GATA6: variants seen among roughly 807,000 people sequenced by gnomAD.
GATA6 encodes GATA binding protein 6, also known as transcription factor GATA-6.
In GATA6, 11 loss-of-function variants were observed where a neutral mutation model predicts 48.1. That is an observed-to-expected ratio of 0.23 (90% CI 0.14 to 0.38). The LOEUF is 0.38. Ranked by LOEUF, GATA6 falls within the 10% of genes least tolerant of loss-of-function variation. The pLI, the probability that GATA6 is intolerant of heterozygous loss-of-function variation, is 1.00. For synonymous variants in GATA6, 419 were observed against 396.1 expected (o/e 1.06, Z -0.69); for missense variants, 795 against 850.3 (o/e 0.93, Z 0.81).
Position 22,172,080 on chromosome 18 carries a change from G to T in GATA6, c.936G>T (p.Ser312=), listed in dbSNP as rs1362104173. The part of the protein sequence containing the change: ...AMGGREPQYS[S]LSAARPLNGT... ...GCGGCCGCGAGCCCCAGTACAGCTC[G>T]CTGTCGGCCGCGCGGCCGCTGAACG... Residue 312 remains serine, a synonymous_variant, in exon 2 of 7, where the codon TCG becomes TCT. Transcript: ENST00000269216. This position sits in a 1 kb window ranked among gnomAD's most constrained non-coding sequence, Gnocchi z 5.2. 3.4e-6 allele frequency: 5 copies of T among 1,459,808 alleles called. No individual in the cohort carries two copies. The highest frequency in any genetic ancestry group is 2.6e-5 in the East Asian group (1 of 38,096). The allele number at this position is 1,459,808 out of a possible 1,614,324, so 90.4% of individuals were successfully genotyped here. A position where few individuals can be genotyped will look rare whatever the true frequency, so the allele number is the denominator to read the frequency against.
In GATA6 at chr18:22,171,293, G is replaced by A; in HGVS notation, c.149G>A (p.Gly50Glu). 6.3e-7 allele frequency: 1 copy of A among 1,593,468 alleles called. No homozygotes were observed. Among genetic ancestry groups the A allele is most frequent in the Non-Finnish European group, 8.5e-7 (1 of 1,176,074 alleles). Residue 50 changes from glycine to glutamate, a missense_variant, in exon 2 of 7, where the codon GGA (glycine) becomes GAA (glutamate). Physicochemically the swap from Gly to Glu is moderately conservative, Grantham distance 98. Transcript: ENST00000269216. This position sits in a 1 kb window ranked among gnomAD's most constrained non-coding sequence, Gnocchi z 7.1. The stretch of plus-strand genomic sequence containing the variant: ...TCGTCCTCCTCCTGCTCCCGGGGCG[G>A]AGAGCGGGGCCCCGGCGGCGCCAGC... The part of the protein sequence containing the change: ...SSSSSSCSRG[G>E]ERGPGGASNC...
chr18:22,196,377 G>A (rs2033389349), intron 6 of GATA6, among the ~76,000 whole-genome samples: 1 of 152,106 alleles, frequency 6.6e-6, no homozygotes, highest in Admixed American at 6.5e-5. Context: ...AATTGCTTTT[G>A]GGATTGTTAT....
chr18:22,174,519 A>AT (rs369682521), intron 2 of GATA6, among the ~76,000 whole-genome samples: 8 of 146,450 alleles, frequency 5.5e-5, no homozygotes, highest in East Asian at 3.9e-4. Context: ...AAGATTTGTT[A>AT]TTTTTTTAAG....
intron 3 of GATA6, 85 bp downstream of exon 3, chr18:22,177,206 T>C: frequency 7.6e-7 from 1 of 1,310,116 alleles, no homozygotes; most frequent in South Asian, 1.5e-5. Context: ...TCGGCCTGCC[T>C]TGGGCGTCCC....
chr18:22,189,253 A>C (rs755151307), intron 6 of GATA6, among the ~76,000 whole-genome samples: 23 of 152,194 alleles, frequency 1.5e-4, no homozygotes, highest in African/African-American at 3.9e-4. Flanking sequence ...CTAGAGACTG[A>C]CTCAAGTTAA....
chr18:22,183,065 A>T (rs1240399842), intron 6 of GATA6, 22 bp downstream of exon 6: 1 of 1,549,598 alleles, frequency 6.5e-7, no homozygotes, highest in South Asian at 1.1e-5. Flanking sequence ...AACAGCATAG[A>T]CTCCTAAATT....
At chr18:22,192,576 G>C (rs2033340690) in intron 6 of GATA6, among the ~76,000 whole-genome samples, 1 of 152,064 alleles carries the variant, frequency 6.6e-6, no homozygotes, top group Non-Finnish European at 1.5e-5. Context: ...AATGCTTCTT[G>C]GTATGTTTTC....
chr18:22,174,727 G>T (rs2033099433), intron 2 of GATA6, among the ~76,000 whole-genome samples: 1 of 147,822 alleles, frequency 6.8e-6, no homozygotes, highest in African/African-American at 2.6e-5. Flanking sequence ...CTGTTTCTTA[G>T]ATTTTTTTTT....
intron 6 of GATA6, among the ~76,000 whole-genome samples, chr18:22,194,588 C>G (rs1225918285): frequency 1.3e-5 from 2 of 152,254 alleles, no homozygotes; most frequent in Non-Finnish European, 2.9e-5. Flanking sequence ...AACTAAAGTC[C>G]TTTGAAGGGT....
At chr18:22,169,985 AT>A (rs1339918506) in intron 1 of GATA6, among the ~76,000 whole-genome samples, 1 of 152,192 alleles carries the variant, frequency 6.6e-6, no homozygotes, top group Non-Finnish European at 1.5e-5. Flanking sequence ...CTTTCTTGCT[AT>A]CTAGCCAGGT....
intron 6 of GATA6, among the ~76,000 whole-genome samples, chr18:22,195,163 C>T (rs1282164162): frequency 2.6e-5 from 4 of 152,158 alleles, no homozygotes; most frequent in African/African-American, 7.2e-5. Flanking sequence ...GAGAGAATAT[C>T]GGTTTTGAGA....
intron 3 of GATA6, chr18:22,180,021 CTCT>C (rs1379810828): frequency 3.9e-5 from 6 of 152,158 alleles, no homozygotes; most frequent in African/African-American, 1.4e-4. Context: ...TTACATTTCT[CTCT>C]TCTTCATTCT....
chr18:22,172,344 G>A lies in GATA6; in HGVS notation c.1135+65G>A. On this transcript the variant is annotated intron_variant, in intron 2 of 6. Coordinates refer to ENST00000269216, the MANE Select transcript of GATA6 (RefSeq NM_005257.6). The surrounding 1 kb of genome is among the most constrained non-coding windows in gnomAD (Gnocchi z 5.2). Reference sequence around the variant, plus strand: ...CGCTGGGGCGCACGGGGGACGTGGAGCAGCTGCTCCACTCGGGCCCTGTTT... The same window carrying A: ...CGCTGGGGCGCACGGGGGACGTGGAACAGCTGCTCCACTCGGGCCCTGTTT... 1 of 1,505,946 alleles carries A rather than the reference G, an allele frequency of 6.6e-7. No individual in the cohort carries two copies. Among genetic ancestry groups the A allele is most frequent in the Non-Finnish European group, 8.9e-7 (1 of 1,127,824 alleles). 93.3% of individuals were successfully genotyped at this position (1,505,946 alleles called of 1,614,324 possible).
chr18:22,183,258 A>T (rs888262585), intron 6 of GATA6, among the ~76,000 whole-genome samples: 6 of 152,182 alleles, frequency 3.9e-5, no homozygotes, highest in African/African-American at 1.4e-4. Flanking sequence ...GATCGGTATC[A>T]TTTTTTTATG....
At chr18:22,181,320 TCAAGGAC>T in intron 3 of GATA6, 126 bp from the exon 4 acceptor site, 1 of 1,152,666 alleles carries the variant, frequency 8.7e-7, no homozygotes, top group Admixed American at 2.0e-5. Flanking sequence ...ATTTTTTTTC[TCAAGGAC>T]CATTTCATTT....
In GATA6 at chr18:22,172,322, TG is replaced by T. The variant is rs1204177849; in HGVS notation, c.1135+47del. 3 of 1,517,248 alleles carry T rather than the reference TG, an allele frequency of 2.0e-6. No individual in the cohort carries two copies. In the African/African-American group the frequency reaches 4.1e-5, roughly 21 times the overall value. The allele number at this position is 1,517,248 out of a possible 1,614,324, so 94.0% of individuals were successfully genotyped here. On this transcript the variant is annotated intron_variant, in intron 2 of 6. Coordinates refer to ENST00000269216, the MANE Select transcript of GATA6 (RefSeq NM_005257.6). The surrounding 1 kb of genome is among the most constrained non-coding windows in gnomAD (Gnocchi z 5.2). ...GGTTCGGGGTGCGGGTCCAAAGCGC[TG>T]GGGCGCACGGGGGACGTGGAGCAGC...
Position 22,170,183 on chromosome 18 carries a change from C to G in GATA6, c.-38+501C>G, listed in dbSNP as rs570291679. Among the ~76,000 whole-genome samples the G allele has an allele frequency of 1.3e-5, 2 of 152,306 alleles. No homozygotes were observed. Among genetic ancestry groups the G allele is most frequent in the African/African-American group, 4.8e-5 (2 of 41,582 alleles). On this transcript the variant is annotated intron_variant, in intron 1 of 6. Transcript: ENST00000269216. The surrounding 1 kb of genome is among the most constrained non-coding windows in gnomAD (Gnocchi z 6.7). ...GCTCTGGGGCGGTCTCACGCTCCCCCCTCCCCAGCCCGTTGCGTTCCCCCT... is the reference window on the plus strand; with the variant it reads ...GCTCTGGGGCGGTCTCACGCTCCCCGCTCCCCAGCCCGTTGCGTTCCCCCT...
In GATA6 at chr18:22,171,609, C is replaced by T. The variant is rs1292638565; in HGVS notation, c.465C>T (p.Ser155=). 2.5e-6 allele frequency: 4 copies of T among 1,600,322 alleles called. No individual in the cohort carries two copies. The African/African-American group carries it at 4.0e-5, about 16-fold the overall frequency. Residue 155 remains serine, a synonymous_variant, in exon 2 of 7, where the codon TCC becomes TCT. Coordinates refer to ENST00000269216, the MANE Select transcript of GATA6 (RefSeq NM_005257.6). This position sits in a 1 kb window ranked among gnomAD's most constrained non-coding sequence, Gnocchi z 7.1. ...TGTACCAGACCCTCGCCGCTCTCTC[C>T]AGCCAGGGTCCGGCCGCCTACGACG... The part of the protein sequence containing the change: ...EEMYQTLAAL[S]SQGPAAYDGA...
chr18:22,195,905 G>T (rs2033383561), intron 6 of GATA6, among the ~76,000 whole-genome samples: 1 of 152,170 alleles, frequency 6.6e-6, no homozygotes, highest in Non-Finnish European at 1.5e-5. Flanking sequence ...GCAACGGTTG[G>T]CTTCCTTTGC....
Sources: allele counts gnomAD v4.1 joint callset (sites outside exome capture counted in the v4.1 genomes callset), GRCh38; gene constraint gnomAD v4.1.1; non-coding constraint Gnocchi (gnomAD v3.1); transcripts MANE v1.5; gene names NCBI Gene and HGNC (gene_info 2026-07-23, HGNC 2026-07-21).